The following CDCA5 variants were observed in gnomAD, a reference collection of about 807,000 sequenced individuals.
CDCA5 encodes the protein sororin.
CDCA5 carries 14 observed loss-of-function variants against 25.7 expected under a neutral mutation model. The observed-to-expected ratio is 0.54, with a 90% CI of 0.36 to 0.85. The LOEUF (loss-of-function observed/expected upper bound fraction) is 0.85. Ranked by LOEUF, CDCA5 falls within the 40% of genes least tolerant of loss-of-function variation. CDCA5 has a pLI of 0.01. For synonymous variants in CDCA5, 127 were observed against 128.7 expected, an observed-to-expected ratio of 0.99 and a Z score of 0.09; for missense variants, 307 against 324.5, an observed-to-expected ratio of 0.95 and a Z score of 0.41.
At chr11:65,073,353 C>T (rs900358079), downstream of CDCA5, among the ~76,000 whole-genome samples, 2 of 152,214 alleles carry the variant, frequency 1.3e-5, no homozygotes, top group Non-Finnish European at 2.9e-5. Flanking sequence ...TGCCTGGGAT[C>T]ACACAGCTAG....
exon 4 of CDCA5, chr11:65,067,718 T>G: frequency 7.8e-7 from 1 of 1,289,770 alleles, no homozygotes; most frequent in Non-Finnish European, 1.0e-6. Context: ...CCAGTCCTCC[T>G]GATCTAAGAA....
At chr11:65,071,311 CTA>C (rs1364061802) in intron 1 of CDCA5, among the ~76,000 whole-genome samples, 1 of 150,484 alleles carries the variant, frequency 6.6e-6, no homozygotes, top group African/African-American at 2.4e-5. Context: ...TACTAGAAAA[CTA>C]TCTATTATTT....
At chr11:65,063,116 C>A (rs1442796459), downstream of CDCA5, among the ~76,000 whole-genome samples, 1 of 152,210 alleles carries the variant, frequency 6.6e-6, no homozygotes, top group Non-Finnish European at 1.5e-5. Flanking sequence ...GGCACGAGAC[C>A]CCTGGGAAGC....
intron 1 of CDCA5, chr11:65,068,708 A>G (rs1397969823): frequency 5.8e-6 from 3 of 514,220 alleles, no homozygotes; most frequent in South Asian, 3.5e-5. Context: ...GCGAGCGTCT[A>G]TCACCAGCTC....
downstream of CDCA5, among the ~76,000 whole-genome samples, chr11:65,073,725 G>A (rs1947386087): frequency 6.6e-6 from 1 of 152,200 alleles, no homozygotes; most frequent in South Asian, 2.1e-4. Context: ...GAGCAAAAAG[G>A]AGTTTATTGG....
In CDCA5 at chr11:65,068,487, C is replaced by T; in HGVS notation, c.177+1G>A. On this transcript the variant is annotated splice_donor_variant, in intron 2 of 6. Coordinates refer to the CDCA5 transcript ENST00000525464. LOFTEE classifies it high-confidence loss of function. ...TAGGAGGCCCTGGGGTTTCCCATCA[C>T]CTCCAAGTTCCGCTCCTCGGAAGCC... is the stretch of plus-strand genomic sequence containing the variant. The T allele has an allele frequency of 7.8e-7, 1 of 1,287,786 alleles. No homozygotes were observed. The highest frequency in any genetic ancestry group is 1.2e-5 in the South Asian group (1 of 80,992). 79.8% of individuals were successfully genotyped at this position (1,287,786 alleles called of 1,614,324 possible).
At chr11:65,065,095 C>A (rs990200362), downstream of CDCA5, among the ~76,000 whole-genome samples, 1 of 152,110 alleles carries the variant, frequency 6.6e-6, no homozygotes, top group Non-Finnish European at 1.5e-5. Context: ...AAATGATCAT[C>A]CCCAGCCCGT....
downstream of CDCA5, among the ~76,000 whole-genome samples, chr11:65,061,914 ATTTTTT>A (rs35836447): frequency 9.7e-5 from 8 of 82,312 alleles, no homozygotes; most frequent in African/African-American, 3.2e-4. Context: ...CAGCTGCCTA[ATTTTTT>A]TTTTTTTTTT....
At chr11:65,074,106 G>T (rs1292553074), downstream of CDCA5, among the ~76,000 whole-genome samples, 1 of 152,154 alleles carries the variant, frequency 6.6e-6, no homozygotes, top group Admixed American at 6.5e-5. Flanking sequence ...GTCAGCAGAG[G>T]TTTCTGTTTC....
At chr11:65,077,381 G>A, downstream of CDCA5, 1 of 837,576 alleles carries the variant, frequency 1.2e-6, no homozygotes, top group Non-Finnish European at 1.4e-6. Context: ...GACAACCCCA[G>A]TGATGCAGCC....
At position 65,084,003 on chromosome 11, in the gene CDCA5, TC is replaced by T; in HGVS notation, c.-26del. The T allele has an allele frequency of 6.3e-7, 1 of 1,599,402 alleles. No individual in the cohort carries two copies. Among genetic ancestry groups the T allele is most frequent in the Non-Finnish European group, 8.5e-7 (1 of 1,173,630 alleles). ...TAACTTAGGCTCCGTCTCGAGCTCC[TC>T]CAGCGCCGCCGCCCCGGGCGCGCGC... On this transcript the variant is annotated 5_prime_UTR_variant, in exon 1 of 6. Coordinates refer to ENST00000275517, the MANE Select transcript of CDCA5 (RefSeq NM_080668.4).
chr11:65,063,053 C>T (rs1002608490), downstream of CDCA5, among the ~76,000 whole-genome samples: 2 of 152,212 alleles, frequency 1.3e-5, no homozygotes, highest in Non-Finnish European at 2.9e-5. Flanking sequence ...CACTCCTGCT[C>T]CAGCTGTCTT....
intron 5 of CDCA5, chr11:65,066,739 C>T (rs1350058277): frequency 1.2e-5 from 16 of 1,287,386 alleles, no homozygotes; most frequent in South Asian, 6.2e-5. Flanking sequence ...AACCCGAAGC[C>T]CCTCTAGGAG....
chr11:65,063,203 C>T (rs1490393852), downstream of CDCA5, among the ~76,000 whole-genome samples: 1 of 152,194 alleles, frequency 6.6e-6, no homozygotes, highest in Non-Finnish European at 1.5e-5. Context: ...GCGCAGGTGC[C>T]CTCACAAGAT....
At chr11:65,077,227 C>T (rs1590795212), downstream of CDCA5, among the ~76,000 whole-genome samples, 1 of 152,064 alleles carries the variant, frequency 6.6e-6, no homozygotes, top group East Asian at 1.9e-4. Flanking sequence ...GCAGAGGTTG[C>T]AGTCAACTGA....
intron 4 of CDCA5, among the ~76,000 whole-genome samples, chr11:65,082,014 G>A (rs1405624379): frequency 6.6e-6 from 1 of 152,148 alleles, no homozygotes; most frequent in Non-Finnish European, 1.5e-5. Flanking sequence ...ATAGGGTAAG[G>A]GTGGTCAGGG....
chr11:65,083,602 G>A, intron 2 of CDCA5, 27 bp downstream of exon 2: 2 of 1,614,162 alleles, frequency 1.2e-6, no homozygotes, highest in Non-Finnish European at 1.7e-6. Context: ...GGCCACAAGG[G>A]GAGGAAGTGA....
At chr11:65,072,951 T>C (rs1410172172), downstream of CDCA5, among the ~76,000 whole-genome samples, 1 of 147,274 alleles carries the variant, frequency 6.8e-6, no homozygotes, top group Non-Finnish European at 1.5e-5. Flanking sequence ...TTTTTTTTTT[T>C]TTTTTTTTTT....
In CDCA5 at chr11:65,083,479, C is replaced by T; in HGVS notation, c.207+6G>A. 6 of 1,614,222 alleles carry T rather than the reference C, an allele frequency of 3.7e-6. No individual in the cohort carries two copies. Among genetic ancestry groups the T allele is most frequent in the Non-Finnish European group, 5.1e-6 (6 of 1,180,016 alleles). ...AACCACCCACAACACTCTCCTTAGC[C>T]TTTACCTCTACAGCATGGGCCACGA... On this transcript the variant is annotated splice_donor_region_variant and intron_variant, in intron 3 of 5. Coordinates refer to ENST00000275517, the MANE Select transcript of CDCA5 (RefSeq NM_080668.4).
Sources: allele counts gnomAD v4.1 joint callset (sites outside exome capture counted in the v4.1 genomes callset), GRCh38; gene constraint gnomAD v4.1.1; transcripts MANE v1.5; gene names NCBI Gene and HGNC (gene_info 2026-07-23, HGNC 2026-07-21).